Variants in ATP2C2 observed in about 807,000 individuals in gnomAD.
ATP2C2 encodes ATPase secretory pathway Ca2+ transporting 2.
ATP2C2 carries 171 observed loss-of-function variants against 110.8 expected under a neutral mutation model. The ratio of observed to expected loss-of-function variants is 1.54; its 90% CI spans 1.36 to 1.75. ATP2C2 has a LOEUF of 1.75. Ranked by LOEUF, ATP2C2 falls within the 40% of genes most tolerant of loss-of-function variation. The pLI is 0.00. For missense variants in ATP2C2, 1,963 were observed against 1,235.0 expected, an observed-to-expected ratio of 1.59 and a Z score of -8.84; for synonymous variants, 804 against 508.4, an observed-to-expected ratio of 1.58 and a Z score of -7.82.
At chr16:84,458,480 A>T (rs1021453586) in intron 21 of ATP2C2, among the ~76,000 whole-genome samples, 1 of 88,356 alleles carries the variant, frequency 1.1e-5, no homozygotes, top group African/African-American at 3.9e-5. Context: ...ATGTACCCTA[A>T]AACTTAGAGT....
intron 23 of ATP2C2, 95 bp from the exon 24 acceptor site, chr16:84,460,559 C>G (rs753668357): frequency 3.2e-6 from 5 of 1,574,190 alleles, no homozygotes; most frequent in Non-Finnish European, 4.4e-6. Context: ...GCCCCCTGTG[C>G]CAACTTGGCC....
In ATP2C2 at chr16:84,445,353, C is replaced by T. The variant is rs1285583504; in HGVS notation, c.1402-976C>T. Among the ~76,000 whole-genome samples the T allele has an allele frequency of 2.6e-5, 4 of 151,996 alleles. 1 individual carries two copies. The highest frequency in any genetic ancestry group is 4.4e-5 in the Non-Finnish European group (3 of 67,990). ...CCTCCCAAGTAGCTGGGACTACAGG[C>T]GCCTGCCACCACGCCTGGCTAACTT... is the stretch of plus-strand genomic sequence containing the variant. On this transcript the variant is annotated intron_variant, in intron 15 of 26. Transcript: ENST00000262429.
At chr16:84,380,640 G>C (rs971669954) in intron 1 of ATP2C2, among the ~76,000 whole-genome samples, 3 of 152,176 alleles carry the variant, frequency 2.0e-5, no homozygotes, top group Non-Finnish European at 4.4e-5. Flanking sequence ...GAGCACGGAA[G>C]TCTACAGCCC....
At position 84,382,179 on chromosome 16, in the gene ATP2C2, CCT is replaced by C. The variant is rs1910615137; in HGVS notation, c.99+13466_99+13467del. ...GGCCCCGGTGTGTGATGTTCCCGTC[CCT>C]GTGTCCATGCGTTCTCATTGTTCAA... On this transcript the variant is annotated intron_variant, in intron 1 of 26. Transcript: ENST00000262429. 3.3e-5 allele frequency among the ~76,000 whole-genome samples: 5 copies of C among 152,254 alleles called. No homozygotes were observed. In the South Asian group the frequency reaches 8.3e-4, roughly 25 times the overall value.
chr16:84,444,593 T>C (rs556447638), intron 15 of ATP2C2, among the ~76,000 whole-genome samples: 19 of 152,320 alleles, frequency 1.2e-4, no homozygotes, highest in African/African-American at 4.6e-4. Context: ...TAGTGCTGAG[T>C]CTGCCCCATT....
At chr16:84,424,788 T>G (rs1356933709) in intron 10 of ATP2C2, among the ~76,000 whole-genome samples, 1 of 152,066 alleles carries the variant, frequency 6.6e-6, no homozygotes, top group Non-Finnish European at 1.5e-5. Context: ...TACTAATGTA[T>G]AGACACAGAA....
chr16:84,392,047 T>C (rs964137854), intron 1 of ATP2C2, among the ~76,000 whole-genome samples: 7 of 152,146 alleles, frequency 4.6e-5, no homozygotes, highest in Non-Finnish European at 1.0e-4. Flanking sequence ...CTCTTTAATT[T>C]TATACTATTT....
In ATP2C2 at chr16:84,462,070, C is replaced by G. The variant is rs765192423; in HGVS notation, c.2663C>G (p.Ala888Gly). The change falls in exon 26 of 27, where the codon GCG (alanine) becomes GGG (glycine). Residue 888 changes from alanine to glycine, a missense_variant. Ala to Gly is a moderately conservative substitution (Grantham distance 60). Transcript: ENST00000262429. ...SVLGSILGQL[A>G]VIYIPPLQRV... ...CTGGGGTCCATCCTGGGGCAGCTGG[C>G]GGTCATTTACATCCCCCCGCTGCAG... 4 of 1,613,872 alleles carry G rather than the reference C, an allele frequency of 2.5e-6. No individual in the cohort carries two copies. The Admixed American group carries it at 5.0e-5, about 20-fold the overall frequency.
At chr16:84,460,499 C>G (rs542788343) in intron 23 of ATP2C2, 155 bp from the exon 24 acceptor site, 1 of 1,006,040 alleles carries the variant, frequency 9.9e-7, no homozygotes, top group African/African-American at 1.6e-5. Context: ...TGGAAGGTGC[C>G]GAGGAGGGCA....
intron 16 of ATP2C2, 127 bp from the exon 17 acceptor site, chr16:84,448,406 T>C (rs34189707): frequency 0.083 from 98,504 of 1,193,600 alleles, 6,544 homozygotes; most frequent in African/African-American, 0.28. Flanking sequence ...AGCACCAGCC[T>C]ATGATAAATA....
intron 6 of ATP2C2, among the ~76,000 whole-genome samples, chr16:84,414,131 G>T (rs944403043): frequency 6.6e-6 from 1 of 152,226 alleles, no homozygotes; most frequent in South Asian, 2.1e-4. Context: ...TGACATTTAA[G>T]CTGAGGCCTG....
intron 13 of ATP2C2, among the ~76,000 whole-genome samples, chr16:84,439,883 T>C (rs1048112726): frequency 6.6e-6 from 1 of 152,236 alleles, no homozygotes; most frequent in Non-Finnish European, 1.5e-5. Flanking sequence ...TCACCCAGGC[T>C]GGAATGCAGT....
chr16:84,437,910 C>T (rs1325637524), intron 11 of ATP2C2, among the ~76,000 whole-genome samples: 5 of 152,198 alleles, frequency 3.3e-5, no homozygotes, highest in Admixed American at 2.0e-4. Context: ...CCTAAGCAAT[C>T]GCTCATCTTT....
chr16:84,447,733 T>G (rs966413964), intron 16 of ATP2C2, among the ~76,000 whole-genome samples: 2 of 144,904 alleles, frequency 1.4e-5, no homozygotes, highest in African/African-American at 5.2e-5. Flanking sequence ...TAAGAATATA[T>G]TAGTTATATA....
intron 23 of ATP2C2, chr16:84,460,055 G>A (rs571914394): frequency 4.4e-5 from 9 of 206,576 alleles, no homozygotes; most frequent in East Asian, 2.4e-4. Flanking sequence ...CAGTGCTGCT[G>A]TTATCACCAG....
At chr16:84,370,970 A>C (rs946228774) in intron 1 of ATP2C2, among the ~76,000 whole-genome samples, 1 of 152,228 alleles carries the variant, frequency 6.6e-6, no homozygotes, top group Non-Finnish European at 1.5e-5. Context: ...TTGTTTGCTC[A>C]GTGAGCATTT....
intron 20 of ATP2C2, 65 bp downstream of exon 20, chr16:84,453,436 G>A: frequency 6.3e-7 from 1 of 1,595,612 alleles, no homozygotes; most frequent in South Asian, 1.1e-5. Flanking sequence ...TGTGGCTCGA[G>A]GAGCTCATGC....
Position 84,461,746 on chromosome 16 carries a change from C to G in ATP2C2, c.2514C>G (p.Thr838=), listed in dbSNP as rs201356589. The change falls in exon 25 of 27, where the codon ACC becomes ACG. Residue 838 remains threonine (T), a synonymous_variant. Transcript: ENST00000262429. ...MPEDRASTPR[T]TTMTFTCFVF... The stretch of plus-strand genomic sequence containing the variant: ...AAGACAGAGCAAGCACTCCCCGCAC[C>G]ACGACGATGACGTTCACTTGTTTTG... 6 of 1,614,080 alleles carry G rather than the reference C, an allele frequency of 3.7e-6. No individual in the cohort carries two copies. The South Asian group carries it at 4.4e-5, about 12-fold the overall frequency.
At chr16:84,376,320 T>C (rs757550193) in intron 1 of ATP2C2, among the ~76,000 whole-genome samples, 29 of 152,284 alleles carry the variant, frequency 1.9e-4, no homozygotes, top group Non-Finnish European at 3.5e-4. Context: ...AGACTGCCAA[T>C]AGCAGGAAGA....
Sources: allele counts gnomAD v4.1 joint callset (sites outside exome capture counted in the v4.1 genomes callset), GRCh38; gene constraint gnomAD v4.1.1; transcripts MANE v1.5; gene names NCBI Gene and HGNC (gene_info 2026-07-23, HGNC 2026-07-21).